The following ACSM3 variants were observed in gnomAD, a reference collection of about 807,000 sequenced individuals.
The protein encoded by ACSM3 is acyl-CoA synthetase medium chain family member 3.
A neutral mutation model predicts 74.1 loss-of-function variants in ACSM3; 61 were observed. The observed-to-expected ratio is 0.82, with a 90% CI of 0.67 to 1.02. The LOEUF is 1.02. ACSM3 is among the 50% of genes least tolerant of loss of function. The pLI is 0.00. For synonymous variants in ACSM3, 213 were observed against 241.5 expected (o/e 0.88, Z 1.09); for missense variants, 660 against 697.0 (o/e 0.95, Z 0.60).
chr16:20,741,765 G>A (rs772390415), intron 1 of ACSM3: 1 of 1,554,628 alleles, frequency 6.4e-7, no homozygotes. Flanking sequence ...AGAGGAAAGA[G>A]AAACGTTTCT....
In ACSM3 at chr16:20,677,638, C is replaced by G. The variant is rs760324913; in HGVS notation, c.-190+2816C>G. Among the ~76,000 whole-genome samples the G allele has an allele frequency of 1.4e-4, 22 of 152,258 alleles. 1 individual carries two copies. The highest frequency in any genetic ancestry group is 6.8e-3 in the Middle Eastern group (2 of 294). On this transcript the variant is annotated intron_variant, in intron 1 of 3. Transcript: ENST00000561584. ...GGGGAGCCAGACATAGAATATTTTACTGATGGAAGCAGTTTCATACGAAAG... is the reference window on the plus strand; with the variant it reads ...GGGGAGCCAGACATAGAATATTTTAGTGATGGAAGCAGTTTCATACGAAAG...
intron 1 of ACSM3, among the ~76,000 whole-genome samples, chr16:20,718,828 A>C (rs1056802113): frequency 6.6e-6 from 1 of 152,134 alleles, no homozygotes; most frequent in African/African-American, 2.4e-5. Context: ...TATTTTCCTA[A>C]TAGCATTTAC....
intron 2 of ACSM3, among the ~76,000 whole-genome samples, chr16:20,772,709 T>C (rs943594689): frequency 2.6e-5 from 4 of 152,230 alleles, no homozygotes; most frequent in African/African-American, 9.6e-5. Context: ...TTCTGTTTCA[T>C]TGGTCTATGC....
intron 1 of ACSM3, 64 bp from the exon 2 acceptor site, chr16:20,769,920 C>G: frequency 1.0e-6 from 1 of 960,346 alleles, no homozygotes; most frequent in Middle Eastern, 3.2e-4. Flanking sequence ...AAAACTTAGC[C>G]ACTTTGGGGT....
At chr16:20,715,129 A>C (rs1280712341) in intron 1 of ACSM3, among the ~76,000 whole-genome samples, 1 of 152,210 alleles carries the variant, frequency 6.6e-6, no homozygotes, top group Non-Finnish European at 1.5e-5. Context: ...GTCTCCCTGC[A>C]AGGTATCAGA....
At chr16:20,780,568 G>A (rs778191262) in intron 4 of ACSM3, 146 bp from the exon 5 acceptor site, 64 of 1,546,218 alleles carry the variant, frequency 4.1e-5, no homozygotes, top group Admixed American at 2.4e-4. Flanking sequence ...GAAAGTGATG[G>A]CTTTTACCCT....
chr16:20,716,053 G>A (rs1443882994), intron 1 of ACSM3, among the ~76,000 whole-genome samples: 1 of 152,090 alleles, frequency 6.6e-6, no homozygotes, highest in Non-Finnish European at 1.5e-5. Context: ...TTACCCCCCA[G>A]GGAAAGTGAA....
At chr16:20,787,402 A>C (rs577600995) in intron 9 of ACSM3, among the ~76,000 whole-genome samples, 43 of 152,356 alleles carry the variant, frequency 2.8e-4, no homozygotes, top group Non-Finnish European at 5.0e-4. Flanking sequence ...AAAAGCAGCA[A>C]AAATATGGAT....
At chr16:20,748,358 T>C (rs1360678691) in intron 1 of ACSM3, among the ~76,000 whole-genome samples, 2 of 151,972 alleles carry the variant, frequency 1.3e-5, no homozygotes, top group Admixed American at 6.5e-5. Context: ...CAAAGACAAA[T>C]TGATTAAGAA....
chr16:20,676,958 A>G (rs1246218992), intron 1 of ACSM3, among the ~76,000 whole-genome samples: 1 of 152,212 alleles, frequency 6.6e-6, no homozygotes, highest in Admixed American at 6.5e-5. Flanking sequence ...ATAAAGTGTC[A>G]GAAAAAAGCT....
intron 9 of ACSM3, among the ~76,000 whole-genome samples, chr16:20,788,065 T>A (rs1046948903): frequency 6.6e-6 from 1 of 152,208 alleles, no homozygotes; most frequent in African/African-American, 2.4e-5. Flanking sequence ...ATGGGTACTG[T>A]TATTTACTTC....
chr16:20,741,301 G>A (rs1042319531), intron 1 of ACSM3, among the ~76,000 whole-genome samples: 1 of 152,190 alleles, frequency 6.6e-6, no homozygotes, highest in Non-Finnish European at 1.5e-5. Flanking sequence ...GCAAGAAAAG[G>A]TGCAAGCACT....
chr16:20,772,819 T>C (rs1402395736), intron 2 of ACSM3, among the ~76,000 whole-genome samples: 4 of 152,062 alleles, frequency 2.6e-5, no homozygotes, highest in African/African-American at 9.7e-5. Context: ...ATACAAAAAT[T>C]AGCCGGGCAT....
intron 1 of ACSM3, among the ~76,000 whole-genome samples, chr16:20,733,424 T>C (rs1012809306): frequency 1.4e-4 from 22 of 152,126 alleles, no homozygotes; most frequent in African/African-American, 4.3e-4. Context: ...AGTAAGTGAA[T>C]TTAATGAAAG....
rs1303930007 is a variant in ACSM3 at position 20,792,013 on chromosome 16, A to C, written c.1338A>C (p.Ser446=). ...GLFTHYVDNP[S]KTASTLRGNF... ...TATTTGTTTTGCAGGATAATCCTTCAAAAACAGCTTCAACTCTACGAGGCA... is the reference window on the plus strand; with the variant it reads ...TATTTGTTTTGCAGGATAATCCTTCCAAAACAGCTTCAACTCTACGAGGCA... Residue 446 remains serine, a synonymous_variant, in exon 11 of 14, where the codon TCA becomes TCC. Transcript: ENST00000289416. 1 of 1,614,090 alleles carries C rather than the reference A, an allele frequency of 6.2e-7. No individual in the cohort carries two copies. The highest frequency in any genetic ancestry group is 1.1e-5 in the South Asian group (1 of 91,072).
intron 1 of ACSM3, among the ~76,000 whole-genome samples, chr16:20,693,101 C>T (rs1390612735): frequency 1.3e-5 from 2 of 150,662 alleles, no homozygotes; most frequent in Middle Eastern, 3.4e-3. Context: ...ACCTGGGAGT[C>T]GGAGGTTGCA....
chr16:20,781,160 T>G, intron 6 of ACSM3, 30 bp downstream of exon 6: 1 of 1,611,540 alleles, frequency 6.2e-7, no homozygotes, highest in Non-Finnish European at 8.5e-7. Flanking sequence ...GGTCAATATT[T>G]AGAAATGCAT....
At chr16:20,776,846 C>T (rs988378919) in intron 3 of ACSM3, among the ~76,000 whole-genome samples, 19 of 152,152 alleles carry the variant, frequency 1.2e-4, no homozygotes, top group African/African-American at 4.3e-4. Context: ...AATGCCTCCA[C>T]ACTTCCTTTT....
At position 20,777,489 on chromosome 16, in the gene ACSM3, G is replaced by A. The variant is rs142474793; in HGVS notation, c.547G>A (p.Ala183Thr). ...TNDVLAPAVDAVASKCENLHS... is the reference protein window; with the variant it reads ...TNDVLAPAVDTVASKCENLHS... ...TGATGTTTTAGCCCCAGCAGTAGAC[G>A]CTGTTGCATCCAAATGTGAAAATCT... Residue 183 changes from alanine to threonine, a missense_variant, in exon 4 of 14, where the codon GCT (alanine) becomes ACT (threonine). Ala to Thr is a moderately conservative substitution (Grantham distance 58, BLOSUM62 0). Transcript: ENST00000289416. 6.6e-5 allele frequency: 107 copies of A among 1,613,902 alleles called. No individual in the cohort carries two copies. The African/African-American group carries it at 1.2e-3, about 19-fold the overall frequency.
Sources: allele counts gnomAD v4.1 joint callset (sites outside exome capture counted in the v4.1 genomes callset), GRCh38; gene constraint gnomAD v4.1.1; transcripts MANE v1.5; gene names NCBI Gene and HGNC (gene_info 2026-07-23, HGNC 2026-07-21).